Variants in RBFOX1 observed in about 807,000 individuals in gnomAD.
RBFOX1 encodes the protein RNA binding protein fox-1 homolog 1.
RBFOX1 carries 8 observed loss-of-function variants against 57.7 expected under a neutral mutation model. The ratio of observed to expected loss-of-function variants is 0.14; its 90% CI spans 0.08 to 0.25. RBFOX1 has a LOEUF of 0.25. Among genes scored for constraint, RBFOX1 ranks in the 10% least tolerant of loss-of-function variants. RBFOX1 has a pLI of 1.00. For missense variants in RBFOX1, 611 were observed against 548.5 expected, an observed-to-expected ratio of 1.11 and a Z score of -1.14; for synonymous variants, 326 against 222.4, an observed-to-expected ratio of 1.47 and a Z score of -4.15.
At chr16:6,866,676 G>C (rs1011964485) in intron 3 of RBFOX1, among the ~76,000 whole-genome samples, 12 of 150,900 alleles carry the variant, frequency 8.0e-5, no homozygotes, top group African/African-American at 2.9e-4. Flanking sequence ...CGAGTAGCTG[G>C]GACTACAGGC....
chr16:5,568,728 C>T (rs761381048), intron 2 of RBFOX1, among the ~76,000 whole-genome samples: 4 of 152,156 alleles, frequency 2.6e-5, no homozygotes, highest in African/African-American at 7.2e-5. Flanking sequence ...ATTTGCCCCA[C>T]GATGGTCTTA....
At chr16:7,344,169 A>C (rs1298792717) in intron 4 of RBFOX1, among the ~76,000 whole-genome samples, 1 of 147,136 alleles carries the variant, frequency 6.8e-6, no homozygotes, top group Non-Finnish European at 1.5e-5. Context: ...CTTCGGTAAA[A>C]TGGCCCATAT....
In RBFOX1 at chr16:5,885,143, G is replaced by T. The variant is rs2057867349; in HGVS notation, c.351+17808G>T. On this transcript the variant is annotated intron_variant, in intron 4 of 19. Coordinates refer to the RBFOX1 transcript ENST00000641259. ...TAACCTTTCCTTTCTCACTTCCAAG[G>T]TAAGGGTGGCAGCTATGGTTTACCA... Among the ~76,000 whole-genome samples the T allele has an allele frequency of 2.0e-5, 3 of 152,162 alleles. 1 individual carries two copies. In the South Asian group the frequency reaches 6.3e-4, roughly 32 times the overall value.
chr16:5,627,675 C>G (rs2048384792), intron 3 of RBFOX1, among the ~76,000 whole-genome samples: 2 of 152,098 alleles, frequency 1.3e-5, no homozygotes, highest in South Asian at 4.2e-4. Context: ...ACAGATTCAA[C>G]CAACTGAAGG....
At chr16:5,346,826 T>A (rs2065150770) in intron 1 of RBFOX1, among the ~76,000 whole-genome samples, 1 of 152,184 alleles carries the variant, frequency 6.6e-6, no homozygotes, top group African/African-American at 2.4e-5. Context: ...CTCTTCAGTG[T>A]TCCCATCTGC....
chr16:6,225,459 C>T (rs148106630), intron 1 of RBFOX1, among the ~76,000 whole-genome samples: 2 of 152,044 alleles, frequency 1.3e-5, no homozygotes, highest in South Asian at 2.1e-4. Flanking sequence ...ATTTAATACC[C>T]GGGAATGATG....
chr16:6,926,276 C>T (rs2075569993), intron 3 of RBFOX1, among the ~76,000 whole-genome samples: 1 of 152,124 alleles, frequency 6.6e-6, no homozygotes, highest in Non-Finnish European at 1.5e-5. Context: ...CACTGCGCTA[C>T]AGCCTGGGCA....
rs547391523 is a variant in RBFOX1, at chr16:5,505,366, C to A, written c.258+38112C>A. On this transcript the variant is annotated intron_variant, in intron 2 of 2. Coordinates refer to the RBFOX1 transcript ENST00000585867. ...GTCTTATTCTGCTTCTATTGCTGCTCCTAGAATCCCAGAGTTTGTTCTATC... is the reference window on the plus strand; with the variant it reads ...GTCTTATTCTGCTTCTATTGCTGCTACTAGAATCCCAGAGTTTGTTCTATC... Among the ~76,000 whole-genome samples, 4 of 152,280 alleles carry A rather than the reference C, an allele frequency of 2.6e-5. No homozygotes were observed. The South Asian group carries it at 6.2e-4, about 24-fold the overall frequency.
intron 1 of RBFOX1, among the ~76,000 whole-genome samples, chr16:5,348,625 C>T (rs1297854045): frequency 6.6e-6 from 1 of 152,138 alleles, no homozygotes; most frequent in African/African-American, 2.4e-5. Context: ...CACAGCCCAA[C>T]AGGAAAGACA....
intron 1 of RBFOX1, among the ~76,000 whole-genome samples, chr16:6,025,238 C>T (rs2095166918): frequency 6.6e-6 from 1 of 152,188 alleles, no homozygotes; most frequent in Non-Finnish European, 1.5e-5. Flanking sequence ...CAGATTTGGT[C>T]TGTGGACGTA....
At chr16:5,401,655 A>C (rs1374982009) in intron 1 of RBFOX1, among the ~76,000 whole-genome samples, 1 of 152,168 alleles carries the variant, frequency 6.6e-6, no homozygotes, top group Non-Finnish European at 1.5e-5. Flanking sequence ...TGACATTTTT[A>C]CATATTTAAT....
chr16:7,269,588 T>A (rs1476383079), intron 4 of RBFOX1, among the ~76,000 whole-genome samples: 10 of 152,194 alleles, frequency 6.6e-5, no homozygotes, highest in Non-Finnish European at 1.3e-4. Flanking sequence ...ATGCCATGAA[T>A]CATTTTGGGA....
intron 1 of RBFOX1, among the ~76,000 whole-genome samples, chr16:6,158,745 C>T (rs1597892846): frequency 6.6e-6 from 1 of 152,268 alleles, no homozygotes; most frequent in African/African-American, 2.4e-5. Flanking sequence ...GTCCAAGTTT[C>T]TGCATTTAAA....
At chr16:7,159,433 C>G (rs11642586) in intron 4 of RBFOX1, among the ~76,000 whole-genome samples, 22,796 of 151,950 alleles carry the variant, frequency 0.15, 1,962 homozygotes, top group East Asian at 0.32. Flanking sequence ...ATCTATGTCA[C>G]TCTAGAGATC....
At chr16:5,980,565 A>C (rs539098058) in intron 4 of RBFOX1, among the ~76,000 whole-genome samples, 19 of 152,168 alleles carry the variant, frequency 1.2e-4, no homozygotes, top group Non-Finnish European at 2.8e-4. Context: ...TAAGTAGAGA[A>C]AATTGGACTT....
intron 3 of RBFOX1, among the ~76,000 whole-genome samples, chr16:5,616,742 C>T (rs2048037975): frequency 1.4e-5 from 2 of 146,618 alleles, no homozygotes; most frequent in Non-Finnish European, 3.0e-5. Flanking sequence ...CTCCTCCTGT[C>T]CCTTCTCCCT....
intron 3 of RBFOX1, chr16:5,632,635 AG>A (rs2048551479): frequency 1.3e-5 from 2 of 152,178 alleles, no homozygotes; most frequent in Non-Finnish European, 2.9e-5. Flanking sequence ...CGAGCCACCT[AG>A]CCCAACTATG....
At chr16:7,305,353 C>G (rs2096153905) in intron 4 of RBFOX1, among the ~76,000 whole-genome samples, 1 of 152,114 alleles carries the variant, frequency 6.6e-6, no homozygotes, top group African/African-American at 2.4e-5. Context: ...AATAGCTCAG[C>G]ACTGCCCTTG....
chr16:5,522,345 C>T (rs1232103387), intron 2 of RBFOX1, among the ~76,000 whole-genome samples: 1 of 152,200 alleles, frequency 6.6e-6, no homozygotes, highest in Admixed American at 6.5e-5. Flanking sequence ...ACGTTGCATA[C>T]ATACATAGGT....
Sources: allele counts gnomAD v4.1 joint callset (sites outside exome capture counted in the v4.1 genomes callset), GRCh38; gene constraint gnomAD v4.1.1; transcripts MANE v1.5; gene names NCBI Gene and HGNC (gene_info 2026-07-23, HGNC 2026-07-21).